Variants in PLEKHM1 observed in about 807,000 individuals in gnomAD.
PLEKHM1 encodes pleckstrin homology and RUN domain containing M1, also known as pleckstrin homology domain-containing family M member 1.
PLEKHM1 carries 28 observed loss-of-function variants against 94.3 expected under a neutral mutation model. The observed-to-expected ratio is 0.30, with a 90% CI of 0.22 to 0.41. The LOEUF (loss-of-function observed/expected upper bound fraction) is 0.41, where lower values mean the gene tolerates loss of function less well. Ranked by LOEUF, PLEKHM1 falls within the 10% of genes least tolerant of loss-of-function variation. The pLI is 1.00. For synonymous variants in PLEKHM1, 424 were observed against 581.2 expected, an observed-to-expected ratio of 0.73 and a Z score of 3.89; for missense variants, 907 against 1,358.6, an observed-to-expected ratio of 0.67 and a Z score of 5.22.
At chr17:45,447,054 G>A (rs1260952078) in intron 8 of PLEKHM1, among the ~76,000 whole-genome samples, 1 of 152,230 alleles carries the variant, frequency 6.6e-6, no homozygotes, top group African/African-American at 2.4e-5. Context: ...ATTAAAAGAG[G>A]TATTCCAGGA....
At chr17:45,446,904 G>C (rs1484789233) in intron 8 of PLEKHM1, among the ~76,000 whole-genome samples, 1 of 152,156 alleles carries the variant, frequency 6.6e-6, no homozygotes, top group East Asian at 1.9e-4. Flanking sequence ...TCTGTAAAAT[G>C]GGGAAAATGA....
intron 5 of PLEKHM1, among the ~76,000 whole-genome samples, chr17:45,465,384 G>T (rs2051287665): frequency 6.6e-6 from 1 of 152,022 alleles, no homozygotes. Flanking sequence ...ACAATGAAGT[G>T]AGTCGGGAAA....
At chr17:45,440,377 G>A (rs2050412361) in intron 9 of PLEKHM1, 151 bp from the exon 10 acceptor site, 1 of 745,362 alleles carries the variant, frequency 1.3e-6, no homozygotes. Context: ...GGCCTGCCTG[G>A]GCTTGGGGCC....
chr17:45,435,778 CT>C, downstream of PLEKHM1: 2 of 363,210 alleles, frequency 5.5e-6, no homozygotes, highest in South Asian at 4.2e-5. Context: ...TGCCACGGAC[CT>C]CCCAAGCCTT....
At chr17:45,488,481 G>A (rs1465007587) in intron 1 of PLEKHM1, among the ~76,000 whole-genome samples, 1 of 152,152 alleles carries the variant, frequency 6.6e-6, no homozygotes, top group Non-Finnish European at 1.5e-5. Flanking sequence ...TAAGTGCTGG[G>A]GCAACTGTGG....
intron 2 of PLEKHM1, among the ~76,000 whole-genome samples, chr17:45,478,546 T>TTTTTA (rs768685598): frequency 4.6e-5 from 7 of 152,170 alleles, no homozygotes; most frequent in Non-Finnish European, 1.0e-4. Flanking sequence ...CTTCCCACCT[T>TTTTTA]TTTTACATGG....
chr17:45,460,233 C>G (rs555267011), intron 5 of PLEKHM1: 1 of 152,240 alleles, frequency 6.6e-6, no homozygotes, highest in Non-Finnish European at 1.5e-5. Flanking sequence ...CCAGAAGGAG[C>G]CTCCAGAACG....
downstream of PLEKHM1, among the ~76,000 whole-genome samples, chr17:45,435,210 C>G (rs2050229094): frequency 6.6e-6 from 1 of 152,138 alleles, no homozygotes; most frequent in African/African-American, 2.4e-5. Context: ...AGGGTGCCAC[C>G]TTGTAATCTG....
At chr17:45,443,927 G>C (rs537381373) in intron 9 of PLEKHM1, among the ~76,000 whole-genome samples, 32 of 152,248 alleles carry the variant, frequency 2.1e-4, no homozygotes, top group Middle Eastern at 3.4e-3. Context: ...GGTCCCACAT[G>C]GTGGTCCCTG....
Position 45,468,553 on chromosome 17 carries a change from G to C in PLEKHM1, c.964C>G (p.Pro322Ala), listed in dbSNP as rs758503270. 5.6e-6 allele frequency: 9 copies of C among 1,614,058 alleles called. No individual in the cohort carries two copies. The highest frequency in any genetic ancestry group is 3.3e-5 in the Admixed American group (2 of 60,012). Residue 322 changes from proline (P) to alanine (A), a missense_variant, in exon 5 of 12, where the codon CCA becomes GCA. Transcript: ENST00000430334. ...GTTTCTTGGCTCAGTCCGTTGGTTG[G>C]CACAGAGTTTACCTGGGCTTTGCTG... ...EFSKAQVNSV[P>A]TNGLSQETEI... is the part of the protein sequence containing the mutation.
intron 5 of PLEKHM1, among the ~76,000 whole-genome samples, chr17:45,458,804 A>G (rs917317178): frequency 2.7e-5 from 4 of 150,698 alleles, no homozygotes; most frequent in African/African-American, 9.8e-5. Context: ...CTTTATCTAG[A>G]TATGGCTCTT....
rs2051800444 is a variant in PLEKHM1 at position 45,477,801 on chromosome 17, G to A, written c.296+99C>T. The A allele has an allele frequency of 7.2e-5, 99 of 1,374,094 alleles. 3 individuals carry two copies. In the South Asian group the frequency reaches 1.2e-3, roughly 17 times the overall value. The allele number at this position is 1,374,094 out of a possible 1,614,324, so 85.1% of individuals were successfully genotyped here. The stretch of plus-strand genomic sequence containing the variant: ...CCCTCTCTCTATGCTAGAACACAGG[G>A]CACCTCTGTTGGCTTCCTGAACAGC... On this transcript the variant is annotated intron_variant, in intron 3 of 11. Transcript: ENST00000430334.
chr17:45,479,144 C>T (rs2051854389), intron 2 of PLEKHM1, among the ~76,000 whole-genome samples: 1 of 151,612 alleles, frequency 6.6e-6, no homozygotes, highest in Non-Finnish European at 1.5e-5. Context: ...GAGGCCAAGG[C>T]AGGCGGATCA....
intron 4 of PLEKHM1, among the ~76,000 whole-genome samples, chr17:45,474,548 CA>C (rs1185569662): frequency 6.6e-6 from 1 of 152,220 alleles, no homozygotes; most frequent in African/African-American, 2.4e-5. Context: ...CGTTATGTTT[CA>C]TCTATTTGTT....
At chr17:45,450,474 C>G in intron 8 of PLEKHM1, 144 bp downstream of exon 8, 1 of 1,364,370 alleles carries the variant, frequency 7.3e-7, no homozygotes, top group Admixed American at 2.0e-5. Context: ...GGTTAGCTCC[C>G]CAACATCACA....
chr17:45,475,150 G>A lies in PLEKHM1; in HGVS notation c.873C>T (p.Asp291=). Residue 291 remains aspartate (D), a synonymous_variant, in exon 4 of 12, where the codon GAC becomes GAT. Coordinates refer to ENST00000430334, the MANE Select transcript of PLEKHM1 (RefSeq NM_014798.3). The stretch of plus-strand genomic sequence containing the variant: ...CAGCATTTGCTGTGCCCAGGTCTGA[G>A]TCACAGGACATGGGCTCCTCGCAAT... ...PDHCEEPMSC[D]SDLGTANAED... 6.2e-7 allele frequency: 1 copy of A among 1,614,020 alleles called. No individual in the cohort carries two copies. Among genetic ancestry groups the A allele is most frequent in the Non-Finnish European group, 8.5e-7 (1 of 1,179,868 alleles).
chr17:45,475,826 T>C, intron 3 of PLEKHM1, 100 bp from the exon 4 acceptor site: 3 of 1,230,628 alleles, frequency 2.4e-6, no homozygotes. Context: ...CTACTGCAAA[T>C]AGATACAGGC....
chr17:45,436,595 A>G lies in PLEKHM1; in HGVS notation c.*1263T>C, dbSNP rs2050264504. On this transcript the variant is annotated 3_prime_UTR_variant, in exon 12 of 12. Coordinates refer to ENST00000430334, the MANE Select transcript of PLEKHM1 (RefSeq NM_014798.3). Reference sequence around the variant, plus strand: ...GGAGAGGTGGGGGAAGGCGACAGAGAGACCAGCAAACCCACATTTCCCCGA... The same window carrying G: ...GGAGAGGTGGGGGAAGGCGACAGAGGGACCAGCAAACCCACATTTCCCCGA... The G allele has an allele frequency of 2.2e-6, 1 of 453,520 alleles. No homozygotes were observed. The highest frequency in any genetic ancestry group is 4.4e-6 in the Non-Finnish European group (1 of 226,396). The allele number at this position is 453,520 out of a possible 1,614,324, so 28.1% of individuals were successfully genotyped here.
downstream of PLEKHM1, chr17:45,434,484 T>G (rs998678142): frequency 6.6e-6 from 1 of 152,144 alleles, no homozygotes; most frequent in Non-Finnish European, 1.5e-5. Context: ...TCTCACTCTG[T>G]CTCCCAGGCC....
Sources: gnomAD v4.1 joint callset for allele counts (sites outside exome capture counted in the v4.1 genomes callset) on GRCh38, gnomAD v4.1.1 for gene constraint, MANE v1.5 for transcripts, NCBI Gene and HGNC (gene_info 2026-07-23, HGNC 2026-07-21) for gene names.